The following NECTIN1 variants were observed in gnomAD, a reference collection of about 807,000 sequenced individuals.
NECTIN1 encodes the protein nectin-1.
A neutral mutation model predicts 48.0 loss-of-function variants in NECTIN1; 23 were observed. The ratio of observed to expected loss-of-function variants is 0.48; its 90% CI spans 0.34 to 0.68. NECTIN1 has a LOEUF of 0.68. NECTIN1 is among the 30% of genes least tolerant of loss of function. The pLI, the probability that NECTIN1 is intolerant of heterozygous loss-of-function variation, is 0.01. For synonymous variants in NECTIN1, 270 were observed against 288.9 expected (o/e 0.93, Z 0.66); for missense variants, 591 against 709.9 (o/e 0.83, Z 1.90).
chr11:119,658,118 G>A (rs752825628), downstream of NECTIN1, among the ~76,000 whole-genome samples: 23 of 152,126 alleles, frequency 1.5e-4, no homozygotes, highest in Non-Finnish European at 2.8e-4. Context: ...CAAGCCGAGC[G>A]GCCAGCCATG....
intron 1 of NECTIN1, among the ~76,000 whole-genome samples, chr11:119,719,111 T>C (rs766996310): frequency 6.6e-6 from 1 of 152,218 alleles, no homozygotes; most frequent in Non-Finnish European, 1.5e-5. Flanking sequence ...TGTGGCGTCA[T>C]GTCGGCCTCC....
Position 119,664,956 on chromosome 11 carries a change from C to T in NECTIN1, c.1345G>A (p.Gly449Ser), listed in dbSNP as rs2135542617. 5 of 1,613,338 alleles carry T rather than the reference C, an allele frequency of 3.1e-6. No individual in the cohort carries two copies. Among genetic ancestry groups the T allele is most frequent in the Middle Eastern group, 3.3e-4 (2 of 6,058 alleles). The change falls in exon 6 of 6, where the codon GGC becomes AGC. Residue 449 changes from glycine to serine, a missense_variant. Coordinates refer to ENST00000264025, the MANE Select transcript of NECTIN1 (RefSeq NM_002855.5). ...EEEEEEGGGG[G>S]ERKVGGPHPK... is the part of the protein sequence containing the mutation. Reference sequence around the variant, plus strand: ...TGGGGGCCGCCCACCTTGCGCTCGCCCCCTCCACCGCCCTCCTCCTCCTCC... The same window carrying T: ...TGGGGGCCGCCCACCTTGCGCTCGCTCCCTCCACCGCCCTCCTCCTCCTCC...
In NECTIN1 at chr11:119,664,949, C is replaced by T. The variant is rs747681440; in HGVS notation, c.1352G>A (p.Arg451His). ...EEEEGGGGGE[R>H]KVGGPHPKYD... ...TTTGGGGTGGGGGCCGCCCACCTTGCGCTCGCCCCCTCCACCGCCCTCCTC... is the reference window on the plus strand; with the variant it reads ...TTTGGGGTGGGGGCCGCCCACCTTGTGCTCGCCCCCTCCACCGCCCTCCTC... The change falls in exon 6 of 6, where the codon CGC becomes CAC. Residue 451 changes from arginine to histidine, a missense_variant. Arg to His is a conservative substitution (Grantham distance 29). Transcript: ENST00000264025. 11 of 1,613,464 alleles carry T rather than the reference C, an allele frequency of 6.8e-6. No homozygotes were observed. In the East Asian group the frequency reaches 8.9e-5, roughly 13 times the overall value.
chr11:119,649,468 G>A (rs1864459200), intron 5 of NECTIN1, among the ~76,000 whole-genome samples: 1 of 151,310 alleles, frequency 6.6e-6, no homozygotes, highest in Admixed American at 6.6e-5. Flanking sequence ...CGGGTGGATT[G>A]CATGAGCTCA....
At chr11:119,711,313 C>G (rs1374521860) in intron 1 of NECTIN1, among the ~76,000 whole-genome samples, 1 of 151,902 alleles carries the variant, frequency 6.6e-6, no homozygotes, top group Non-Finnish European at 1.5e-5. Flanking sequence ...TCATTTGAAC[C>G]CAGGAGGCAG....
intron 1 of NECTIN1, among the ~76,000 whole-genome samples, chr11:119,714,676 T>G (rs184983525): frequency 2.0e-5 from 3 of 151,360 alleles, no homozygotes; most frequent in Non-Finnish European, 2.9e-5. Context: ...ATCGCCAACT[T>G]AATTCCTTAA....
At chr11:119,671,673 C>T (rs1054257522) in intron 5 of NECTIN1, among the ~76,000 whole-genome samples, 1 of 152,172 alleles carries the variant, frequency 6.6e-6, no homozygotes, top group Non-Finnish European at 1.5e-5. Context: ...CTACACCCCC[C>T]AGCATGCAGT....
rs1864705150 is a variant in NECTIN1 at position 119,663,505 on chromosome 11, C to T, written c.*1242G>A. On this transcript the variant is annotated 3_prime_UTR_variant, in exon 6 of 6. Coordinates refer to ENST00000264025, the MANE Select transcript of NECTIN1 (RefSeq NM_002855.5). ...CGGCCCCACCCCCCTCACTTTCTGCCAGGCCCGAGGCTTTGACAATGGCCT... is the reference window on the plus strand; with the variant it reads ...CGGCCCCACCCCCCTCACTTTCTGCTAGGCCCGAGGCTTTGACAATGGCCT... 10 of 985,538 alleles carry T rather than the reference C, an allele frequency of 1.0e-5. No homozygotes were observed. Among genetic ancestry groups the T allele is most frequent in the Non-Finnish European group, 1.2e-5 (10 of 830,022 alleles). 61.0% of individuals were successfully genotyped at this position (985,538 alleles called of 1,614,324 possible).
In NECTIN1 at chr11:119,702,060, C is replaced by T. The variant is rs541322070; in HGVS notation, c.80-23295G>A. 2.8e-4 allele frequency among the ~76,000 whole-genome samples: 42 copies of T among 152,334 alleles called. No individual in the cohort carries two copies. In the South Asian group the frequency reaches 8.5e-3, roughly 31 times the overall value. Reference sequence around the variant, plus strand: ...AATTTAATGAAGTCCGATGGCAGGGCTGGGGCAGACAGGGTCCCAGGAAGA... The same window carrying T: ...AATTTAATGAAGTCCGATGGCAGGGTTGGGGCAGACAGGGTCCCAGGAAGA... On this transcript the variant is annotated intron_variant, in intron 1 of 5. Transcript: ENST00000264025.
chr11:119,708,346 T>G (rs992505975), intron 1 of NECTIN1, among the ~76,000 whole-genome samples: 1 of 151,990 alleles, frequency 6.6e-6, no homozygotes, highest in African/African-American at 2.4e-5. Context: ...ACAGGGTGAA[T>G]GGAAAGCAAG....
rs556585489 is a variant in NECTIN1 at position 119,722,014 on chromosome 11, A to G, written c.79+6461T>C. ...GGCTGGTAAAGTGGAGGACCGTCCC[A>G]TGGACACTTTCTAACATCCTACTGG... On this transcript the variant is annotated intron_variant, in intron 1 of 5. Coordinates refer to ENST00000264025, the MANE Select transcript of NECTIN1 (RefSeq NM_002855.5). Among the ~76,000 whole-genome samples, 3 of 152,288 alleles carry G rather than the reference A, an allele frequency of 2.0e-5. No homozygotes were observed. The South Asian group carries it at 6.2e-4, about 32-fold the overall frequency.
chr11:119,694,932 C>A (rs1032810498), intron 1 of NECTIN1, among the ~76,000 whole-genome samples: 3 of 151,950 alleles, frequency 2.0e-5, no homozygotes, highest in Admixed American at 6.6e-5. Context: ...CCCCTTGACT[C>A]TCCTTCTGAA....
intron 1 of NECTIN1, among the ~76,000 whole-genome samples, chr11:119,690,731 G>T (rs1865238916): frequency 6.6e-6 from 1 of 152,146 alleles, no homozygotes; most frequent in Non-Finnish European, 1.5e-5. Context: ...AGATGTTCAG[G>T]CTTATGTCTG....
chr11:119,700,679 A>G (rs1046467655), intron 1 of NECTIN1, among the ~76,000 whole-genome samples: 1 of 152,226 alleles, frequency 6.6e-6, no homozygotes, highest in African/African-American at 2.4e-5. Flanking sequence ...TGATCGCAGC[A>G]TGGCGGGATA....
intron 1 of NECTIN1, among the ~76,000 whole-genome samples, chr11:119,681,605 G>T (rs1191572496): frequency 6.6e-6 from 1 of 152,176 alleles, no homozygotes; most frequent in Non-Finnish European, 1.5e-5. Context: ...GGTGGGGAGG[G>T]TGCTGCAAGG....
intron 1 of NECTIN1, among the ~76,000 whole-genome samples, chr11:119,715,363 A>T (rs949468610): frequency 2.0e-5 from 3 of 150,522 alleles, no homozygotes; most frequent in Admixed American, 1.3e-4. Context: ...TTTTATTTTT[A>T]TTTTTTTTTA....
In NECTIN1 at chr11:119,664,696, C is replaced by A; in HGVS notation, c.*51G>T. ...AGGTGGGGGGTGGGCAGGGGGCGTG[C>A]GGGGAGGGGCTGGGGAGGAGCGGTC... On this transcript the variant is annotated 3_prime_UTR_variant, in exon 6 of 6. Transcript: ENST00000264025. 3.8e-6 allele frequency: 2 copies of A among 532,698 alleles called. No homozygotes were observed. Among genetic ancestry groups the A allele is most frequent in the Non-Finnish European group, 3.1e-6 (1 of 323,772 alleles). The allele number at this position is 532,698 out of a possible 1,614,324, so 33.0% of individuals were successfully genotyped here. A position where few individuals can be genotyped will look rare whatever the true frequency, so the allele number is the denominator to read the frequency against.
chr11:119,725,601 G>A (rs879895810), intron 1 of NECTIN1, among the ~76,000 whole-genome samples: 37 of 152,194 alleles, frequency 2.4e-4, no homozygotes, highest in Non-Finnish European at 5.1e-4. Context: ...CAAGCTGAAG[G>A]ACACCACTGT....
chr11:119,674,464 C>T, intron 5 of NECTIN1: 3 of 1,603,092 alleles, frequency 1.9e-6, no homozygotes, highest in Non-Finnish European at 1.7e-6. Flanking sequence ...ACGTAGAATT[C>T]TGACAACAGC....
Sources: gnomAD v4.1 joint callset for allele counts (sites outside exome capture counted in the v4.1 genomes callset) on GRCh38, gnomAD v4.1.1 for gene constraint, MANE v1.5 for transcripts, NCBI Gene and HGNC (gene_info 2026-07-23, HGNC 2026-07-21) for gene names.